TNFRSF13B: variants seen among roughly 807,000 people sequenced by gnomAD.
TNFRSF13B encodes the protein tumor necrosis factor receptor superfamily member 13B.
A neutral mutation model predicts 24.0 loss-of-function variants in TNFRSF13B; 34 were observed. The observed-to-expected ratio is 1.41, with a 90% CI of 1.08 to 1.88. The LOEUF is 1.88. Ranked by LOEUF, TNFRSF13B falls within the 40% of genes most tolerant of loss-of-function variation. The pLI is 0.00. For missense variants in TNFRSF13B, 415 were observed against 380.8 expected (o/e 1.09, Z -0.75); for synonymous variants, 173 against 150.3 (o/e 1.15, Z -1.10).
chr17:16,944,233 A>G (rs756070822), intron 3 of TNFRSF13B, among the ~76,000 whole-genome samples: 2 of 152,196 alleles, frequency 1.3e-5, no homozygotes, highest in Non-Finnish European at 2.9e-5. Context: ...CCAACGGCAC[A>G]GTTCTCTGCT....
chr17:16,957,230 A>G (rs760754826), intron 1 of TNFRSF13B, among the ~76,000 whole-genome samples: 54 of 151,372 alleles, frequency 3.6e-4, no homozygotes, highest in Non-Finnish European at 1.6e-4. Flanking sequence ...AAAAGTTCAA[A>G]AAGTGAAATA....
intron 3 of TNFRSF13B, among the ~76,000 whole-genome samples, chr17:16,946,876 C>A (rs1340326754): frequency 6.6e-6 from 1 of 152,142 alleles, no homozygotes; most frequent in African/African-American, 2.4e-5. Context: ...GCATGAGTCA[C>A]CATGCTGAGC....
At chr17:16,963,853 C>G (rs1195057348) in intron 1 of TNFRSF13B, among the ~76,000 whole-genome samples, 2 of 152,182 alleles carry the variant, frequency 1.3e-5, no homozygotes, top group Non-Finnish European at 2.9e-5. Flanking sequence ...CCCGGCCTTT[C>G]TCATCCAGTC....
At chr17:16,940,946 C>G in intron 3 of TNFRSF13B, 1 of 1,078,644 alleles carries the variant, frequency 9.3e-7, no homozygotes, top group African/African-American at 1.6e-5. Context: ...GGACTGGTTC[C>G]AGGATCCCCT....
chr17:16,954,023 C>A (rs1453389839), intron 1 of TNFRSF13B, among the ~76,000 whole-genome samples: 1 of 152,348 alleles, frequency 6.6e-6, no homozygotes, highest in Non-Finnish European at 1.5e-5. Flanking sequence ...AGTCGGCCTC[C>A]CAAAGTGCTG....
chr17:16,944,595 T>C (rs4383187), intron 3 of TNFRSF13B, among the ~76,000 whole-genome samples: 43,164 of 151,946 alleles, frequency 0.28, 7,681 homozygotes, highest in East Asian at 0.73. Context: ...GTTACGTGGC[T>C]CCCGTGCACT....
chr17:16,964,785 C>T (rs117028483), intron 1 of TNFRSF13B, among the ~76,000 whole-genome samples: 13 of 152,302 alleles, frequency 8.5e-5, no homozygotes, highest in African/African-American at 1.9e-4. Flanking sequence ...ATGTTGAAAA[C>T]GGATTCGCCA....
chr17:16,949,470 G>A (rs2143657716), intron 2 of TNFRSF13B, among the ~76,000 whole-genome samples: 1 of 152,248 alleles, frequency 6.6e-6, no homozygotes, highest in South Asian at 2.1e-4. Flanking sequence ...CTGGAAGGAA[G>A]GTGGAAAAGT....
chr17:16,948,661 G>C, intron 3 of TNFRSF13B, 77 bp downstream of exon 3: 3 of 1,605,266 alleles, frequency 1.9e-6, no homozygotes, highest in Non-Finnish European at 2.6e-6. Context: ...GGACTCTCCT[G>C]TTCTAGGCCT....
intron 1 of TNFRSF13B, among the ~76,000 whole-genome samples, chr17:16,953,180 T>A (rs2087602010): frequency 6.6e-6 from 1 of 152,172 alleles, no homozygotes; most frequent in Admixed American, 6.5e-5. Context: ...GTGCCTAATT[T>A]TTCTTATTAA....
intron 1 of TNFRSF13B, among the ~76,000 whole-genome samples, chr17:16,962,304 C>T (rs193051870): frequency 1.7e-3 from 251 of 152,104 alleles, no homozygotes; most frequent in African/African-American, 5.8e-3. Flanking sequence ...GTCAGGAGTT[C>T]GAGACCAGCC....
chr17:16,947,179 C>A (rs113242365), intron 3 of TNFRSF13B, among the ~76,000 whole-genome samples: 1 of 152,042 alleles, frequency 6.6e-6, no homozygotes, highest in Admixed American at 6.6e-5. Flanking sequence ...AACCACAGGC[C>A]GATATCCCTG....
At chr17:16,957,476 C>T (rs552471413) in intron 1 of TNFRSF13B, among the ~76,000 whole-genome samples, 26 of 152,104 alleles carry the variant, frequency 1.7e-4, no homozygotes, top group Non-Finnish European at 8.8e-5. Context: ...TCTGAGAAGA[C>T]GTGAATATAC....
intron 3 of TNFRSF13B, chr17:16,941,580 C>A: frequency 1.0e-6 from 1 of 987,364 alleles, no homozygotes; most frequent in South Asian, 4.7e-5. Flanking sequence ...TTCATCTTCC[C>A]GCTCTGATGG....
At chr17:16,952,336 T>A in intron 2 of TNFRSF13B, 110 bp downstream of exon 2, 2 of 1,517,564 alleles carry the variant, frequency 1.3e-6, no homozygotes, top group African/African-American at 2.7e-5. Context: ...ACTGTACATC[T>A]CCTCCTGCCA....
At chr17:16,967,153 T>A (rs1157623518) in intron 1 of TNFRSF13B, among the ~76,000 whole-genome samples, 2 of 151,966 alleles carry the variant, frequency 1.3e-5, no homozygotes, top group Non-Finnish European at 2.9e-5. Context: ...GCAGCAACAT[T>A]TGTAATAGCA....
rs575393901 is a variant in TNFRSF13B, at chr17:16,969,796, C to T, written c.61+2219G>A. On this transcript the variant is annotated intron_variant, in intron 1 of 4. Coordinates refer to ENST00000261652, the MANE Select transcript of TNFRSF13B (RefSeq NM_012452.3). The stretch of plus-strand genomic sequence containing the variant: ...CTTTCAATACTTTCTGGGTTTCAAA[C>T]CATCTGACTATACTATCTATTCAAA... Among the ~76,000 whole-genome samples, 3 of 152,228 alleles carry T rather than the reference C, an allele frequency of 2.0e-5. No individual in the cohort carries two copies. In the South Asian group the frequency reaches 6.2e-4, roughly 32 times the overall value.
intron 1 of TNFRSF13B, among the ~76,000 whole-genome samples, chr17:16,965,736 C>T: frequency 6.6e-6 from 1 of 152,134 alleles, no homozygotes; most frequent in East Asian, 1.9e-4. Context: ...CACAAAGTGA[C>T]TGGGCCAGAA....
intron 1 of TNFRSF13B, among the ~76,000 whole-genome samples, chr17:16,971,509 GAGAA>G (rs1439144893): frequency 2.6e-5 from 4 of 152,184 alleles, no homozygotes; most frequent in Non-Finnish European, 5.9e-5. Flanking sequence ...CAAGTCAACT[GAGAA>G]AGACATTGGT....
Sources: allele counts gnomAD v4.1 joint callset (sites outside exome capture counted in the v4.1 genomes callset), GRCh38; gene constraint gnomAD v4.1.1; transcripts MANE v1.5; gene names NCBI Gene and HGNC (gene_info 2026-07-23, HGNC 2026-07-21).